Variants in PLCXD3 observed in about 807,000 individuals in gnomAD.
PLCXD3 encodes the protein PI-PLC X domain-containing protein 3.
A neutral mutation model predicts 25.5 loss-of-function variants in PLCXD3; 19 were observed. That is an observed-to-expected ratio of 0.75 (90% CI 0.52 to 1.09). The LOEUF is 1.09. PLCXD3 is among the 50% of genes least tolerant of loss of function. The pLI is 0.00. For synonymous variants in PLCXD3, 174 were observed against 137.6 expected (o/e 1.26, Z -1.85); for missense variants, 411 against 388.1 (o/e 1.06, Z -0.50).
intron 2 of PLCXD3, among the ~76,000 whole-genome samples, chr5:41,339,106 G>A (rs1343586973): frequency 6.6e-6 from 1 of 152,128 alleles, no homozygotes; most frequent in East Asian, 1.9e-4. Flanking sequence ...TAGGGAGGAA[G>A]CTGCTCTATC....
chr5:41,332,008 A>G (rs932811343), intron 2 of PLCXD3, among the ~76,000 whole-genome samples: 2 of 152,226 alleles, frequency 1.3e-5, no homozygotes, highest in African/African-American at 4.8e-5. Context: ...AAACCTAGAC[A>G]TTACCATTCA....
chr5:41,410,526 G>T (rs1220602776), intron 1 of PLCXD3, among the ~76,000 whole-genome samples: 2 of 152,034 alleles, frequency 1.3e-5, no homozygotes, highest in Admixed American at 6.6e-5. Context: ...GCCAATTCTG[G>T]AAGGCTCTGC....
intron 1 of PLCXD3, among the ~76,000 whole-genome samples, chr5:41,395,467 G>A (rs183711998): frequency 3.6e-4 from 54 of 151,522 alleles, no homozygotes; most frequent in Middle Eastern, 3.4e-3. Context: ...AATAAATATC[G>A]GAGCAGAAAT....
chr5:41,395,996 T>C (rs1159604824), intron 1 of PLCXD3, among the ~76,000 whole-genome samples: 13 of 123,364 alleles, frequency 1.1e-4, no homozygotes, highest in African/African-American at 4.5e-4. Flanking sequence ...CAAAGGCCCA[T>C]CAAAGAAAAA....
chr5:41,349,685 C>T (rs948029341), intron 2 of PLCXD3, among the ~76,000 whole-genome samples: 1 of 152,100 alleles, frequency 6.6e-6, no homozygotes, highest in African/African-American at 2.4e-5. Context: ...CTTCAAAATC[C>T]TAGAATTTTT....
rs1256186558 is a variant in PLCXD3 at position 41,381,815 on chromosome 5, A to G, written c.812+11T>C. 6.3e-7 allele frequency: 1 copy of G among 1,582,598 alleles called. No individual in the cohort carries two copies. The stretch of plus-strand genomic sequence containing the variant: ...TTTGAGGTTTCCCCCTGACATTTTA[A>G]AGACACTTACCTTTCTGTGATTGTT... On this transcript the variant is annotated intron_variant, in intron 2 of 2. Transcript: ENST00000377801.
At chr5:41,496,343 A>C (rs537395875) in intron 1 of PLCXD3, among the ~76,000 whole-genome samples, 1 of 152,206 alleles carries the variant, frequency 6.6e-6, no homozygotes, top group East Asian at 1.9e-4. Context: ...TGAGGAAAGA[A>C]ATAGGCTTTC....
intron 1 of PLCXD3, among the ~76,000 whole-genome samples, chr5:41,403,374 C>T (rs1310230824): frequency 2.6e-5 from 2 of 78,114 alleles, no homozygotes. Flanking sequence ...TACCCATATG[C>T]CATTTACCCA....
chr5:41,417,815 G>A (rs1392081481), intron 1 of PLCXD3, among the ~76,000 whole-genome samples: 1 of 152,186 alleles, frequency 6.6e-6, no homozygotes, highest in Non-Finnish European at 1.5e-5. Context: ...AGGGCAGCCA[G>A]AGAAACGTGC....
intron 1 of PLCXD3, among the ~76,000 whole-genome samples, chr5:41,465,061 T>C (rs1747981631): frequency 6.6e-6 from 1 of 152,110 alleles, no homozygotes; most frequent in African/African-American, 2.4e-5. Context: ...CTCATTCCAT[T>C]CTTTCTTTTA....
At chr5:41,473,622 T>A (rs1327704777) in intron 1 of PLCXD3, among the ~76,000 whole-genome samples, 1 of 151,944 alleles carries the variant, frequency 6.6e-6, no homozygotes, top group East Asian at 1.9e-4. Context: ...CCCGCTAATT[T>A]TTTTTTTGTA....
At chr5:41,405,768 T>G (rs1294528930) in intron 1 of PLCXD3, among the ~76,000 whole-genome samples, 2 of 152,020 alleles carry the variant, frequency 1.3e-5, no homozygotes, top group Non-Finnish European at 2.9e-5. Context: ...ATTTTTTATT[T>G]GTTTGTTTTG....
At chr5:41,326,770 A>T (rs148657042) in intron 2 of PLCXD3, among the ~76,000 whole-genome samples, 12 of 152,298 alleles carry the variant, frequency 7.9e-5, no homozygotes, top group African/African-American at 2.9e-4. Flanking sequence ...AACATTGATT[A>T]TCCATTTCCA....
intron 1 of PLCXD3, among the ~76,000 whole-genome samples, chr5:41,508,484 C>T (rs1032940596): frequency 6.6e-6 from 1 of 152,226 alleles, no homozygotes; most frequent in African/African-American, 2.4e-5. Context: ...CACTTAGCTT[C>T]AGTTTTTTCA....
chr5:41,388,408 C>T (rs935469781), intron 1 of PLCXD3, among the ~76,000 whole-genome samples: 11 of 152,046 alleles, frequency 7.2e-5, no homozygotes, highest in Non-Finnish European at 1.2e-4. Context: ...TGTACTGCCA[C>T]TGTCACCTCC....
intron 2 of PLCXD3, among the ~76,000 whole-genome samples, chr5:41,343,534 T>C (rs558678698): frequency 1.3e-5 from 2 of 152,248 alleles, no homozygotes; most frequent in South Asian, 4.1e-4. Flanking sequence ...CTGAAGTCAG[T>C]CAAAATTTCT....
At chr5:41,357,900 G>A (rs962814971) in intron 2 of PLCXD3, among the ~76,000 whole-genome samples, 8 of 152,060 alleles carry the variant, frequency 5.3e-5, no homozygotes, top group African/African-American at 1.4e-4. Flanking sequence ...TGAAAACTCC[G>A]AATCATCATA....
chr5:41,446,919 A>C (rs529868697), intron 1 of PLCXD3, among the ~76,000 whole-genome samples: 2 of 152,300 alleles, frequency 1.3e-5, no homozygotes, highest in Non-Finnish European at 2.9e-5. Flanking sequence ...TAACTATATA[A>C]TTGCTTTATA....
intron 1 of PLCXD3, among the ~76,000 whole-genome samples, chr5:41,459,803 A>T (rs1747834380): frequency 6.6e-6 from 1 of 151,906 alleles, no homozygotes; most frequent in Non-Finnish European, 1.5e-5. Flanking sequence ...ACTTCTTGCA[A>T]ACTTTCTTTT....
Sources: gnomAD v4.1 joint callset for allele counts (sites outside exome capture counted in the v4.1 genomes callset) on GRCh38, gnomAD v4.1.1 for gene constraint, MANE v1.5 for transcripts, NCBI Gene and HGNC (gene_info 2026-07-23, HGNC 2026-07-21) for gene names.